The following SLC6A18 variants were observed in gnomAD, a reference collection of about 807,000 sequenced individuals.
SLC6A18 encodes the protein inactive sodium-dependent neutral amino acid transporter B(0)AT3.
SLC6A18 carries 58 observed loss-of-function variants against 62.9 expected under a neutral mutation model. The ratio of observed to expected loss-of-function variants is 0.92; its 90% CI spans 0.75 to 1.15. The LOEUF is 1.15. Ranked by LOEUF, SLC6A18 falls within the 50% of genes most tolerant of loss-of-function variation. The pLI, the probability that SLC6A18 is intolerant of heterozygous loss-of-function variation, is 0.00. For missense variants in SLC6A18, 793 were observed against 836.6 expected (o/e 0.95, Z 0.64); for synonymous variants, 382 against 365.8 (o/e 1.04, Z -0.51).
chr5:1,225,682 G>A, intron 1 of SLC6A18, 45 bp downstream of exon 1: 1 of 1,510,350 alleles, frequency 6.6e-7, no homozygotes, highest in Non-Finnish European at 8.9e-7. Flanking sequence ...AAGCAGGGGA[G>A]GCCGTCTCCA....
chr5:1,230,276 C>T (rs1355397366), intron 1 of SLC6A18, among the ~76,000 whole-genome samples: 1 of 152,132 alleles, frequency 6.6e-6, no homozygotes, highest in East Asian at 1.9e-4. Flanking sequence ...CCCCCATTCA[C>T]ATGGGAGCCT....
intron 1 of SLC6A18, among the ~76,000 whole-genome samples, chr5:1,230,108 C>T (rs968907959): frequency 1.7e-4 from 23 of 134,006 alleles, no homozygotes; most frequent in Admixed American, 7.9e-4. Flanking sequence ...AGGGCTCTAA[C>T]GGTACAGGCT....
Position 1,244,784 on chromosome 5 carries a change from G to C in SLC6A18, c.1656+17G>C. 6 of 1,583,670 alleles carry C rather than the reference G, an allele frequency of 3.8e-6. No individual in the cohort carries two copies. Among genetic ancestry groups the C allele is most frequent in the Non-Finnish European group, 5.2e-6 (6 of 1,158,558 alleles). On this transcript the variant is annotated intron_variant, in intron 11 of 11. Coordinates refer to ENST00000324642, the MANE Select transcript of SLC6A18 (RefSeq NM_182632.3). ...CCCAAATACGTAGGTCCTTCCGGTG[G>C]GAACCTGGGAAGTCCTGGGACCCCT...
chr5:1,235,116 G>A (rs1159959795), intron 3 of SLC6A18, among the ~76,000 whole-genome samples: 1 of 152,228 alleles, frequency 6.6e-6, no homozygotes, highest in Non-Finnish European at 1.5e-5. Context: ...CTTGACACAT[G>A]CAGCCGCTCT....
In SLC6A18 at chr5:1,243,486, A is replaced by C; in HGVS notation, c.1132-69A>C. Reference sequence around the variant, plus strand: ...CGGCCTGGGAGAGTGTGTGTCCTGCAGGCAGGCGTGTGTGTGTGGTGGAGT... The same window carrying C: ...CGGCCTGGGAGAGTGTGTGTCCTGCCGGCAGGCGTGTGTGTGTGGTGGAGT... On this transcript the variant is annotated intron_variant, in intron 8 of 11. Transcript: ENST00000324642. This position sits in a 1 kb window ranked among gnomAD's most constrained non-coding sequence, Gnocchi z 6.5. 2.0e-6 allele frequency: 3 copies of C among 1,531,134 alleles called. No individual in the cohort carries two copies. The South Asian group carries it at 3.5e-5, about 18-fold the overall frequency. The allele number at this position is 1,531,134 out of a possible 1,614,324, so 94.8% of individuals were successfully genotyped here.
At chr5:1,231,857 G>A (rs1455451675) in intron 1 of SLC6A18, among the ~76,000 whole-genome samples, 1 of 152,138 alleles carries the variant, frequency 6.6e-6, no homozygotes, top group Non-Finnish European at 1.5e-5. Flanking sequence ...CCCCACTGCC[G>A]GCCACAGCAG....
intron 9 of SLC6A18, 43 bp from the exon 10 acceptor site, chr5:1,244,171 T>TG: frequency 1.9e-4 from 110 of 588,042 alleles, no homozygotes; most frequent in East Asian, 4.2e-4. Flanking sequence ...ACACCTCCAC[T>TG]CCCCATCCCC....
chr5:1,246,022 C>CCGGACA lies in SLC6A18; in HGVS notation c.1840_1845dup (p.Asp614_Thr615dup), dbSNP rs762361108. ...CGCGCGCCCAGACACGGACATGCGC[C>CCGGACA]CGGACACGGACACGCGCCCAGACAC... is the stretch of plus-strand genomic sequence containing the variant. On this transcript the variant is annotated inframe_insertion, in exon 12 of 12. Transcript: ENST00000324642. The CCGGACA allele has an allele frequency of 4.4e-6, 7 of 1,595,114 alleles. No individual in the cohort carries two copies. The highest frequency in any genetic ancestry group is 2.2e-5 in the East Asian group (1 of 44,460).
At position 1,240,566 on chromosome 5, in the gene SLC6A18, T is replaced by TG; in HGVS notation, c.883dup (p.Val295GlyfsTer23). On this transcript the variant is annotated frameshift_variant, in exon 7 of 12. Coordinates refer to ENST00000324642, the MANE Select transcript of SLC6A18 (RefSeq NM_182632.3). LOFTEE classifies it high-confidence loss of function. ...CAGAAGGATGCGGTGGTCATCGCCC[T>TG]GGTCAACAGGATGACCTCCCTGTAC... 1 of 1,614,142 alleles carries TG rather than the reference T, an allele frequency of 6.2e-7. No individual in the cohort carries two copies. Among genetic ancestry groups the TG allele is most frequent in the Non-Finnish European group, 8.5e-7 (1 of 1,180,020 alleles).
intron 1 of SLC6A18, 41 bp from the exon 2 acceptor site, chr5:1,232,178 C>T (rs776528306): frequency 2.4e-5 from 38 of 1,586,226 alleles, no homozygotes; most frequent in Non-Finnish European, 3.1e-5. Context: ...TCCCCCCCAG[C>T]CCCCGACCCT....
intron 1 of SLC6A18, among the ~76,000 whole-genome samples, chr5:1,231,233 G>A (rs1219517214): frequency 6.6e-6 from 1 of 152,196 alleles, no homozygotes; most frequent in Admixed American, 6.5e-5. Context: ...CAGGCAGAAG[G>A]CACGGCCATT....
At position 1,235,517 on chromosome 5, in the gene SLC6A18, G is replaced by A; in HGVS notation, c.476G>A (p.Ser159Asn). 1.2e-6 allele frequency: 2 copies of A among 1,614,038 alleles called. No individual in the cohort carries two copies. Among genetic ancestry groups the A allele is most frequent in the African/African-American group, 1.3e-5 (1 of 75,062 alleles). ...VEECQGSSAV[S>N]YFWYRQTLNI... is the part of the protein sequence containing the mutation. ...GAGTGCCAGGGCAGCAGCGCCGTGA[G>A]CTACTTCTGGTACCGGCAGACACTG... is the stretch of plus-strand genomic sequence containing the variant. Residue 159 changes from serine to asparagine, a missense_variant, in exon 4 of 12, where the codon AGC becomes AAC. Coordinates refer to ENST00000324642, the MANE Select transcript of SLC6A18 (RefSeq NM_182632.3).
intron 4 of SLC6A18, 52 bp downstream of exon 4, chr5:1,235,714 A>T (rs532430477): frequency 1.3e-6 from 2 of 1,580,900 alleles, no homozygotes; most frequent in Middle Eastern, 3.3e-4. Flanking sequence ...AGCCCCCAAG[A>T]CCCCTCCCCA....
intron 1 of SLC6A18, among the ~76,000 whole-genome samples, chr5:1,231,301 C>T (rs1416793869): frequency 6.6e-6 from 1 of 152,230 alleles, no homozygotes; most frequent in Non-Finnish European, 1.5e-5. Context: ...GTTCCCCCTG[C>T]CCTGGGGCCT....
Position 1,243,681 on chromosome 5 carries a change from GGGACCGT to G in SLC6A18, c.1262_1268del (p.Thr421ArgfsTer22). ...CACCTTGGGGCTATCGACCATGTTC[GGGACCGT>G]GGAGGCGGTCATCACACCCCTGCTG... On this transcript the variant is annotated frameshift_variant, in exon 9 of 12. Transcript: ENST00000324642. LOFTEE classifies it high-confidence loss of function. This position sits in a 1 kb window ranked among gnomAD's most constrained non-coding sequence, Gnocchi z 6.5. 1.2e-6 allele frequency: 2 copies of G among 1,614,010 alleles called. No homozygotes were observed. Among genetic ancestry groups the G allele is most frequent in the Non-Finnish European group, 1.7e-6 (2 of 1,179,980 alleles).
In SLC6A18 at chr5:1,237,959, T is replaced by C; in HGVS notation, c.631T>C (p.Phe211Leu). 6.2e-7 allele frequency: 1 copy of C among 1,614,100 alleles called. No homozygotes were observed. ...CACCTTTTGTTTCAAGGTGATTTAC[T>C]TCACAGCTTTGTTCCCTTACCTGGT... ...GIETTGKVIY[F>L]TALFPYLVLT... is the part of the protein sequence containing the mutation. Residue 211 changes from phenylalanine (F) to leucine (L), a missense_variant, in exon 5 of 12, where the codon TTC (phenylalanine) becomes CTC (leucine). Coordinates refer to ENST00000324642, the MANE Select transcript of SLC6A18 (RefSeq NM_182632.3).
Position 1,243,350 on chromosome 5 carries a change from G to A in SLC6A18, c.1132-205G>A, listed in dbSNP as rs1246767426. On this transcript the variant is annotated intron_variant, in intron 8 of 11. Coordinates refer to ENST00000324642, the MANE Select transcript of SLC6A18 (RefSeq NM_182632.3). This position sits in a 1 kb window ranked among gnomAD's most constrained non-coding sequence, Gnocchi z 6.5. ...CTGCCTGCTGTGGGTTATTAAAGGG[G>A]AAGGACCCTCCCCTGCAGAGTTGCG... Among the ~76,000 whole-genome samples, 4 of 152,198 alleles carry A rather than the reference G, an allele frequency of 2.6e-5. No homozygotes were observed. Among genetic ancestry groups the A allele is most frequent in the Non-Finnish European group, 5.9e-5 (4 of 68,014 alleles).
intron 5 of SLC6A18, among the ~76,000 whole-genome samples, chr5:1,238,446 A>G (rs74210535): frequency 0.01 from 197 of 19,022 alleles, 8 homozygotes; most frequent in Middle Eastern, 0.029. Context: ...GTTTGGAGTG[A>G]GCTTGGGGCC....
intron 3 of SLC6A18, among the ~76,000 whole-genome samples, chr5:1,234,820 G>T (rs986449794): frequency 5.4e-4 from 83 of 152,362 alleles, no homozygotes; most frequent in African/African-American, 1.9e-3. Flanking sequence ...GGGGCCCAAG[G>T]ACAGTGTGGA....
Sources: gnomAD v4.1 joint callset for allele counts (sites outside exome capture counted in the v4.1 genomes callset) on GRCh38, gnomAD v4.1.1 for gene constraint, Gnocchi (gnomAD v3.1) non-coding constraint, MANE v1.5 for transcripts, NCBI Gene and HGNC (gene_info 2026-07-23, HGNC 2026-07-21) for gene names.